WWOX: variants seen among roughly 807,000 people sequenced by gnomAD.
WWOX encodes WW domain-containing oxidoreductase.
WWOX carries 69 observed loss-of-function variants against 46.2 expected under a neutral mutation model. The observed-to-expected ratio is 1.49, with a 90% CI of 1.23 to 1.82. The LOEUF (loss-of-function observed/expected upper bound fraction) is 1.82, where lower values mean the gene tolerates loss of function less well. Among genes scored for constraint, WWOX ranks in the 40% most tolerant of loss-of-function variants. The probability of loss-of-function intolerance (pLI) is 0.00; values close to 1 mark genes in which losing one functional copy is unlikely to be tolerated. For synonymous variants in WWOX, 359 were observed against 202.6 expected (o/e 1.77, Z -6.56); for missense variants, 919 against 542.6 (o/e 1.69, Z -6.89).
rs142222596 is a variant in WWOX, at chr16:79,186,059, T to C, written c.1057-25549T>C. 4.4e-3 allele frequency among the ~76,000 whole-genome samples: 673 copies of C among 152,182 alleles called. 6 individuals carry two copies. Among genetic ancestry groups the C allele is most frequent in the South Asian group, 0.015 (72 of 4,814 alleles). ...GAAGTCTTTTTCACATGGCCTGTAT[T>C]GTCAAAAAATGATGTTGGGTGTTTT... On this transcript the variant is annotated intron_variant, in intron 8 of 8. Coordinates refer to ENST00000566780, the MANE Select transcript of WWOX (RefSeq NM_016373.4).
chr16:78,794,815 C>T (rs2737301), intron 8 of WWOX, among the ~76,000 whole-genome samples: 56,342 of 152,118 alleles, frequency 0.37, 11,971 homozygotes, highest in Middle Eastern at 0.51. Flanking sequence ...GCAGAAGGTG[C>T]AGACACAGGG....
chr16:78,141,402 A>C (rs965859365), intron 4 of WWOX, among the ~76,000 whole-genome samples: 5 of 144,692 alleles, frequency 3.5e-5, no homozygotes, highest in African/African-American at 1.0e-4. Context: ...ATTCTAGACC[A>C]CTGGATGTCA....
At chr16:78,811,126 A>C (rs2051177415) in intron 8 of WWOX, among the ~76,000 whole-genome samples, 1 of 152,238 alleles carries the variant, frequency 6.6e-6, no homozygotes, top group Admixed American at 6.5e-5. Flanking sequence ...TGAACAAATG[A>C]TGAAAAAGTC....
chr16:78,699,045 T>G (rs529067074), intron 8 of WWOX, among the ~76,000 whole-genome samples: 2 of 152,346 alleles, frequency 1.3e-5, no homozygotes, highest in African/African-American at 4.8e-5. Context: ...TTTCTAGCTT[T>G]GCAGTTCAGA....
At chr16:78,786,244 G>A (rs2050453381) in intron 8 of WWOX, among the ~76,000 whole-genome samples, 2 of 152,126 alleles carry the variant, frequency 1.3e-5, no homozygotes, top group African/African-American at 2.4e-5. Flanking sequence ...TTCTTAAGTC[G>A]AGACAATCAA....
intron 5 of WWOX, among the ~76,000 whole-genome samples, chr16:78,379,976 A>G (rs141908305): frequency 5.3e-5 from 8 of 152,346 alleles, no homozygotes; most frequent in Middle Eastern, 6.8e-3. Context: ...AAACGCATTC[A>G]TCTTTAGAGG....
At chr16:78,579,685 A>G (rs868306653) in intron 8 of WWOX, among the ~76,000 whole-genome samples, 4 of 152,338 alleles carry the variant, frequency 2.6e-5, no homozygotes, top group Middle Eastern at 3.4e-3. Context: ...TTACCGACGG[A>G]GAAGTGGGAT....
At chr16:78,701,753 T>C (rs536315397) in intron 8 of WWOX, among the ~76,000 whole-genome samples, 1 of 152,038 alleles carries the variant, frequency 6.6e-6, no homozygotes, top group East Asian at 2.0e-4. Flanking sequence ...TGGGACCCAG[T>C]TAAGCAGTGG....
chr16:78,803,542 G>T (rs141337070), intron 8 of WWOX, among the ~76,000 whole-genome samples: 4 of 152,106 alleles, frequency 2.6e-5, no homozygotes, highest in Non-Finnish European at 4.4e-5. Context: ...GACCTTGTGG[G>T]CTCAAGCAGT....
intron 8 of WWOX, among the ~76,000 whole-genome samples, chr16:79,098,188 C>T (rs1488154247): frequency 2.0e-5 from 3 of 152,158 alleles, no homozygotes; most frequent in East Asian, 3.9e-4. Context: ...GATGCCTGGG[C>T]CTCACCATCC....
intron 8 of WWOX, among the ~76,000 whole-genome samples, chr16:78,943,865 G>A (rs975908979): frequency 6.6e-6 from 1 of 152,292 alleles, no homozygotes; most frequent in South Asian, 2.1e-4. Context: ...GCTTCTGGAA[G>A]TGTGGTATGT....
chr16:78,624,630 G>A (rs1483287520), intron 8 of WWOX, among the ~76,000 whole-genome samples: 1 of 152,048 alleles, frequency 6.6e-6, no homozygotes, highest in Non-Finnish European at 1.5e-5. Flanking sequence ...TCATTTCTAT[G>A]GCAAGCTGAG....
At chr16:78,574,544 A>C (rs994594163) in intron 8 of WWOX, among the ~76,000 whole-genome samples, 6 of 152,150 alleles carry the variant, frequency 3.9e-5, no homozygotes, top group African/African-American at 1.4e-4. Flanking sequence ...TGGCCTGAAG[A>C]TCTGCCTTCA....
chr16:78,665,124 C>G (rs1299265281), intron 8 of WWOX, among the ~76,000 whole-genome samples: 1 of 152,084 alleles, frequency 6.6e-6, no homozygotes, highest in African/African-American at 2.4e-5. Flanking sequence ...ATAGCAGAGC[C>G]CGGGGCTTTG....
chr16:78,441,526 A>C (rs1357360545), intron 8 of WWOX, among the ~76,000 whole-genome samples: 2 of 152,156 alleles, frequency 1.3e-5, no homozygotes, highest in Non-Finnish European at 2.9e-5. Flanking sequence ...ATGACATGTA[A>C]GGGACGTATC....
chr16:78,813,935 C>A (rs1025455641), intron 8 of WWOX, among the ~76,000 whole-genome samples: 4 of 152,192 alleles, frequency 2.6e-5, no homozygotes, highest in South Asian at 4.1e-4. Context: ...CCAGTGTTAA[C>A]CTTCCTGAAG....
chr16:79,094,754 C>G (rs1053635267), intron 8 of WWOX, among the ~76,000 whole-genome samples: 1 of 152,050 alleles, frequency 6.6e-6, no homozygotes, highest in African/African-American at 2.4e-5. Context: ...ATAACAACCT[C>G]TCATTTAAAG....
rs541010645 is a variant in WWOX at position 78,161,507 on chromosome 16, C to T, written c.410-2676C>T. On this transcript the variant is annotated intron_variant, in intron 4 of 8. Transcript: ENST00000566780. ...TGTCACTCTGGCTGGAGTGCAGTGG[C>T]ATAATCATAGCTGACTGTGCCCTTG... Among the ~76,000 whole-genome samples the T allele has an allele frequency of 2.6e-5, 4 of 151,992 alleles. No individual in the cohort carries two copies. In the South Asian group the frequency reaches 8.3e-4, roughly 32 times the overall value.
chr16:78,640,854 G>C (rs759176997), intron 8 of WWOX, among the ~76,000 whole-genome samples: 3 of 151,430 alleles, frequency 2.0e-5, no homozygotes, highest in Non-Finnish European at 4.4e-5. Context: ...CAGGGGAATT[G>C]CTTGAACCTG....
Sources: allele counts gnomAD v4.1 joint callset (sites outside exome capture counted in the v4.1 genomes callset), GRCh38; gene constraint gnomAD v4.1.1; transcripts MANE v1.5; gene names NCBI Gene and HGNC (gene_info 2026-07-23, HGNC 2026-07-21).